Variants in SEL1L2 observed in about 807,000 individuals in gnomAD.
SEL1L2 encodes SEL1L2 adaptor subunit of SYVN1 ubiquitin ligase, also known as protein sel-1 homolog 2.
In SEL1L2, 89 loss-of-function variants were observed where a neutral mutation model predicts 98.8. That is an observed-to-expected ratio of 0.90 (90% CI 0.76 to 1.07). The LOEUF (loss-of-function observed/expected upper bound fraction) is 1.07. Ranked by LOEUF, SEL1L2 falls within the 50% of genes least tolerant of loss-of-function variation. SEL1L2 has a pLI of 0.00. For missense variants in SEL1L2, 788 were observed against 812.0 expected (o/e 0.97, Z 0.36); for synonymous variants, 262 against 278.5 (o/e 0.94, Z 0.59).
chr20:13,934,076 G>C (rs1250555348), intron 2 of SEL1L2, among the ~76,000 whole-genome samples: 1 of 149,840 alleles, frequency 6.7e-6, no homozygotes, highest in African/African-American at 2.5e-5. Context: ...CACCCGAGCA[G>C]TATACACGGA....
At chr20:13,855,734 T>TG (rs1989052782) in intron 18 of SEL1L2, among the ~76,000 whole-genome samples, 1 of 152,202 alleles carries the variant, frequency 6.6e-6, no homozygotes, top group Admixed American at 6.5e-5. Flanking sequence ...GGAAAGAGAC[T>TG]GGGGGCAGCC....
At chr20:13,979,943 T>C (rs2051729888) in intron 1 of SEL1L2, among the ~76,000 whole-genome samples, 1 of 151,986 alleles carries the variant, frequency 6.6e-6, no homozygotes, top group African/African-American at 2.4e-5. Context: ...GGAGAAAATA[T>C]TTGCAAACCA....
chr20:13,965,505 C>A (rs939968537), intron 1 of SEL1L2, among the ~76,000 whole-genome samples: 2 of 152,132 alleles, frequency 1.3e-5, no homozygotes, highest in Admixed American at 1.3e-4. Flanking sequence ...GAAAGCACAG[C>A]GTAAATCAGA....
At chr20:13,945,033 C>T (rs956996084) in intron 2 of SEL1L2, among the ~76,000 whole-genome samples, 1 of 152,052 alleles carries the variant, frequency 6.6e-6, no homozygotes, top group Non-Finnish European at 1.5e-5. Flanking sequence ...TGTTCAGCCA[C>T]CCAGAAGGAG....
intron 2 of SEL1L2, among the ~76,000 whole-genome samples, chr20:13,947,048 C>T (rs1200976276): frequency 6.6e-6 from 1 of 152,172 alleles, no homozygotes; most frequent in Non-Finnish European, 1.5e-5. Flanking sequence ...AGGAGGCAGA[C>T]AGGCTCCTGG....
chr20:13,971,397 G>A (rs943897964), intron 1 of SEL1L2, among the ~76,000 whole-genome samples: 3 of 151,896 alleles, frequency 2.0e-5, no homozygotes, highest in Admixed American at 6.6e-5. Context: ...TATTTTTATA[G>A]TTTTGTTTTT....
intron 1 of SEL1L2, among the ~76,000 whole-genome samples, chr20:13,987,867 T>C (rs1345126809): frequency 6.6e-6 from 1 of 152,246 alleles, no homozygotes; most frequent in Non-Finnish European, 1.5e-5. Flanking sequence ...CTTTGTATAC[T>C]CTGAATACTG....
Position 13,924,882 on chromosome 20 carries a change from T to C in SEL1L2, c.284-5759A>G, listed in dbSNP as rs185384888. Among the ~76,000 whole-genome samples, 440 of 152,292 alleles carry C rather than the reference T, an allele frequency of 2.9e-3. 1 individual carries two copies. The highest frequency in any genetic ancestry group is 9.8e-3 in the African/African-American group (406 of 41,570). ...GGCCAGGCACGGTGGCTCACACCTGTAATCCCAGCATTTTGGGAGGCCGAG... is the reference window on the plus strand; with the variant it reads ...GGCCAGGCACGGTGGCTCACACCTGCAATCCCAGCATTTTGGGAGGCCGAG... On this transcript the variant is annotated intron_variant, in intron 3 of 19. Transcript: ENST00000284951.
At position 13,877,716 on chromosome 20, in the gene SEL1L2, A is replaced by T. The variant is rs933303823; in HGVS notation, c.958-128T>A. ...GGTGCTTGCCACTGAGCTTAAAAAA[A>T]ATCTGTGAAATGCCCATTTTGTTCA... On this transcript the variant is annotated intron_variant, in intron 10 of 19. Transcript: ENST00000284951. 6 of 685,416 alleles carry T rather than the reference A, an allele frequency of 8.8e-6. No individual in the cohort carries two copies. In the African/African-American group the frequency reaches 9.1e-5, roughly 10 times the overall value. The allele number at this position is 685,416 out of a possible 1,614,324, so 42.5% of individuals were successfully genotyped here. A position where few individuals can be genotyped will look rare whatever the true frequency, so the allele number is the denominator to read the frequency against.
intron 5 of SEL1L2, among the ~76,000 whole-genome samples, chr20:13,897,895 C>T (rs1400871204): frequency 6.7e-6 from 1 of 149,522 alleles, no homozygotes; most frequent in Non-Finnish European, 1.5e-5. Context: ...CAAAAAAAAA[C>T]CCCACAATAA....
intron 2 of SEL1L2, among the ~76,000 whole-genome samples, chr20:13,936,128 T>G (rs1020464759): frequency 3.3e-5 from 5 of 152,214 alleles, no homozygotes; most frequent in African/African-American, 1.2e-4. Flanking sequence ...GCCTCTTCAC[T>G]TCCCTGTATC....
At chr20:13,861,928 T>TCTAA (rs1454364863) in intron 17 of SEL1L2, among the ~76,000 whole-genome samples, 2 of 152,212 alleles carry the variant, frequency 1.3e-5, no homozygotes, top group Non-Finnish European at 2.9e-5. Flanking sequence ...GACTACCTTG[T>TCTAA]CTAAAGTGCT....
At chr20:13,968,392 G>T (rs958063407) in intron 1 of SEL1L2, among the ~76,000 whole-genome samples, 8 of 152,234 alleles carry the variant, frequency 5.3e-5, no homozygotes, top group African/African-American at 1.9e-4. Flanking sequence ...CTGGCACAGT[G>T]CCTAGCGCAT....
At chr20:13,872,234 C>A (rs1190738057) in intron 12 of SEL1L2, among the ~76,000 whole-genome samples, 2 of 152,142 alleles carry the variant, frequency 1.3e-5, no homozygotes, top group African/African-American at 4.8e-5. Context: ...AGTCTGTCTT[C>A]TTCTAATTAG....
chr20:13,944,790 ATGATGG>A (rs1376953708), intron 2 of SEL1L2, among the ~76,000 whole-genome samples: 1 of 152,214 alleles, frequency 6.6e-6, no homozygotes, highest in Admixed American at 6.5e-5. Context: ...TAAATGCATG[ATGATGG>A]TGATTTCTGA....
chr20:13,924,502 T>C (rs1175386453), intron 3 of SEL1L2, among the ~76,000 whole-genome samples: 3 of 152,022 alleles, frequency 2.0e-5, no homozygotes, highest in Admixed American at 2.0e-4. Context: ...CATAGCCCAC[T>C]GTAATCTCAA....
intron 1 of SEL1L2, among the ~76,000 whole-genome samples, chr20:13,979,817 T>C (rs6079244): frequency 0.043 from 6,610 of 152,188 alleles, 213 homozygotes; most frequent in Non-Finnish European, 0.063. Flanking sequence ...TTCTTAAATA[T>C]AACCCCAAAA....
intron 17 of SEL1L2, among the ~76,000 whole-genome samples, chr20:13,862,409 C>T (rs1297272458): frequency 2.0e-5 from 3 of 152,112 alleles, no homozygotes; most frequent in Non-Finnish European, 2.9e-5. Context: ...CTGTGGCCAG[C>T]CCTTCTAGCA....
chr20:13,868,599 T>C (rs1257066458), intron 14 of SEL1L2, among the ~76,000 whole-genome samples: 2 of 151,200 alleles, frequency 1.3e-5, no homozygotes, highest in Non-Finnish European at 2.9e-5. Flanking sequence ...TATTTCATTC[T>C]TTCTTACTTT....
Sources: allele counts gnomAD v4.1 joint callset (sites outside exome capture counted in the v4.1 genomes callset), GRCh38; gene constraint gnomAD v4.1.1; transcripts MANE v1.5; gene names NCBI Gene and HGNC (gene_info 2026-07-23, HGNC 2026-07-21).